Variants in ELP3 observed in about 807,000 individuals in gnomAD.
The protein encoded by ELP3 is elongator complex protein 3.
ELP3 carries 56 observed loss-of-function variants against 74.9 expected under a neutral mutation model. That is an observed-to-expected ratio of 0.75 (90% CI 0.60 to 0.93). ELP3 has a LOEUF of 0.93. Ranked by LOEUF, ELP3 falls within the 40% of genes least tolerant of loss-of-function variation. The probability of loss-of-function intolerance (pLI) is 0.00; values close to 1 mark genes in which losing one functional copy is unlikely to be tolerated. For missense variants in ELP3, 573 were observed against 686.5 expected (o/e 0.83, Z 1.85); for synonymous variants, 222 against 239.8 (o/e 0.93, Z 0.68).
upstream of ELP3, among the ~76,000 whole-genome samples, chr8:28,091,948 G>T (rs1285929870): frequency 1.3e-5 from 2 of 152,178 alleles, no homozygotes; most frequent in African/African-American, 4.8e-5. Context: ...AGAAGACAAA[G>T]TAAACATAGA....
chr8:28,182,637 A>C (rs1351897049), intron 14 of ELP3, among the ~76,000 whole-genome samples: 4 of 151,904 alleles, frequency 2.6e-5, no homozygotes, highest in Admixed American at 1.3e-4. Context: ...GGTTAGTCTA[A>C]GGTTGTGTGA....
chr8:28,095,142 C>T (rs139585577), intron 1 of ELP3, among the ~76,000 whole-genome samples: 1 of 152,208 alleles, frequency 6.6e-6, no homozygotes, highest in Admixed American at 6.5e-5. Context: ...CTATGCCTGA[C>T]ATTATTTCTT....
intron 13 of ELP3, among the ~76,000 whole-genome samples, chr8:28,161,214 G>T (rs919376405): frequency 2.0e-4 from 30 of 152,118 alleles, no homozygotes; most frequent in Non-Finnish European, 5.9e-5. Context: ...AAAACCTAAT[G>T]GCGGATATGA....
intron 10 of ELP3, among the ~76,000 whole-genome samples, chr8:28,143,009 G>C (rs572939684): frequency 6.6e-6 from 1 of 152,082 alleles, no homozygotes; most frequent in Non-Finnish European, 1.5e-5. Flanking sequence ...GACTGCCTGC[G>C]TAAGAACTCA....
intron 7 of ELP3, among the ~76,000 whole-genome samples, chr8:28,125,778 T>C (rs977915124): frequency 6.7e-5 from 10 of 149,356 alleles, no homozygotes; most frequent in African/African-American, 2.2e-4. Context: ...TTTTTTTTTT[T>C]TTTTCTGTAT....
In ELP3 at chr8:28,114,900, G is replaced by A. The variant is rs924511422; in HGVS notation, c.617+1727G>A. 3.9e-5 allele frequency among the ~76,000 whole-genome samples: 6 copies of A among 152,174 alleles called. No homozygotes were observed. In the East Asian group the frequency reaches 5.8e-4, roughly 15 times the overall value. The stretch of plus-strand genomic sequence containing the variant: ...CTACTGTCTGGCTAATGGATTAGAG[G>A]AGTACCAGGGTGAAAGTGGGAAACC... On this transcript the variant is annotated intron_variant, in intron 7 of 14. Transcript: ENST00000256398.
intron 14 of ELP3, among the ~76,000 whole-genome samples, chr8:28,182,084 G>A (rs1381722267): frequency 1.3e-5 from 2 of 152,104 alleles, no homozygotes; most frequent in Admixed American, 6.6e-5. Context: ...TATTTTTAGT[G>A]TCCAAAGGCT....
intron 11 of ELP3, among the ~76,000 whole-genome samples, chr8:28,158,050 CAA>C (rs11323782): frequency 0.049 from 4,567 of 93,708 alleles, 167 homozygotes; most frequent in African/African-American, 0.15. Flanking sequence ...GCCCTTCTTG[CAA>C]AAAAAAAAAA....
chr8:28,120,074 T>G (rs1427310234), intron 7 of ELP3, among the ~76,000 whole-genome samples: 1 of 152,176 alleles, frequency 6.6e-6, no homozygotes, highest in African/African-American at 2.4e-5. Flanking sequence ...GTGTAAGTCT[T>G]TTTGTGGCTA....
chr8:28,108,035 GGTT>G, intron 5 of ELP3, 59 bp downstream of exon 5: 1 of 1,410,620 alleles, frequency 7.1e-7, no homozygotes, highest in South Asian at 1.2e-5. Flanking sequence ...CCTGTAGTAT[GGTT>G]TTACCAGTAC....
At chr8:28,098,283 C>T (rs1182530479) in intron 2 of ELP3, among the ~76,000 whole-genome samples, 2 of 152,050 alleles carry the variant, frequency 1.3e-5, no homozygotes, top group African/African-American at 2.4e-5. Flanking sequence ...AACCCCAGGT[C>T]GTCTAATCAT....
intron 6 of ELP3, chr8:28,110,807 C>T (rs560364242): frequency 1.7e-4 from 34 of 204,308 alleles, no homozygotes; most frequent in East Asian, 3.2e-4. Flanking sequence ...ACTGGCCATG[C>T]GCAATGGCTC....
At chr8:28,162,193 G>A (rs1230582404) in intron 14 of ELP3, 115 bp downstream of exon 14, 3 of 1,081,702 alleles carry the variant, frequency 2.8e-6, no homozygotes, top group Admixed American at 2.0e-5. Context: ...TCAAAATTGA[G>A]CTGAGCTGAC....
intron 14 of ELP3, among the ~76,000 whole-genome samples, chr8:28,187,487 A>G (rs1022821380): frequency 2.0e-5 from 3 of 152,090 alleles, no homozygotes; most frequent in Admixed American, 1.3e-4. Flanking sequence ...TCATTCTTCC[A>G]TCTCACTCAG....
chr8:28,118,728 G>T (rs1812232548), intron 7 of ELP3, among the ~76,000 whole-genome samples: 1 of 152,010 alleles, frequency 6.6e-6, no homozygotes. Flanking sequence ...AATCAGCTTT[G>T]CCCAGAAGCA....
At chr8:28,094,048 C>T (rs1811154133) in intron 1 of ELP3, among the ~76,000 whole-genome samples, 1 of 152,194 alleles carries the variant, frequency 6.6e-6, no homozygotes, top group South Asian at 2.1e-4. Context: ...CCCTATGCTT[C>T]TTGACATTAA....
chr8:28,149,513 C>T (rs571982313), intron 10 of ELP3, among the ~76,000 whole-genome samples: 8 of 152,126 alleles, frequency 5.3e-5, no homozygotes, highest in African/African-American at 7.2e-5. Context: ...TCGTGGGCTC[C>T]GTAGTGATGT....
chr8:28,090,515 G>GTGTGTGTGTGTA, upstream of ELP3: 1 of 204,572 alleles, frequency 4.9e-6, no homozygotes, highest in Admixed American at 5.5e-5. Flanking sequence ...GTGTGTGTGT[G>GTGTGTGTGTGTA]TATACACATA....
chr8:28,170,252 C>T lies in ELP3; in HGVS notation c.1567+8174C>T, dbSNP rs559453518. On this transcript the variant is annotated intron_variant, in intron 14 of 14. Transcript: ENST00000256398. Reference sequence around the variant, plus strand: ...GCAGCCATCTTTGGATGCTGTCAGCCGTAGTGGTGGAATACTTCTCCATTG... The same window carrying T: ...GCAGCCATCTTTGGATGCTGTCAGCTGTAGTGGTGGAATACTTCTCCATTG... Among the ~76,000 whole-genome samples the T allele has an allele frequency of 5.3e-5, 8 of 152,274 alleles. No individual in the cohort carries two copies. In the East Asian group the frequency reaches 7.7e-4, roughly 15 times the overall value.
Sources: gnomAD v4.1 joint callset for allele counts (sites outside exome capture counted in the v4.1 genomes callset) on GRCh38, gnomAD v4.1.1 for gene constraint, MANE v1.5 for transcripts, NCBI Gene and HGNC (gene_info 2026-07-23, HGNC 2026-07-21) for gene names.